RFT1: variants seen among roughly 807,000 people sequenced by gnomAD.
RFT1 encodes RFT1 glycolipid translocator homolog.
Under a neutral mutation model 62.2 loss-of-function variants are expected in RFT1, and 43 were observed. The ratio of observed to expected loss-of-function variants is 0.69; its 90% CI spans 0.54 to 0.89. The LOEUF (loss-of-function observed/expected upper bound fraction) is 0.89, where lower values mean the gene tolerates loss of function less well. RFT1 is among the 40% of genes least tolerant of loss of function. The pLI is 0.00. For synonymous variants in RFT1, 262 were observed against 264.6 expected, an observed-to-expected ratio of 0.99 and a Z score of 0.10; for missense variants, 605 against 649.9, an observed-to-expected ratio of 0.93 and a Z score of 0.75.
At chr3:53,087,729 C>T (rs1481419872), downstream of RFT1, among the ~76,000 whole-genome samples, 1 of 152,172 alleles carries the variant, frequency 6.6e-6, no homozygotes, top group Non-Finnish European at 1.5e-5. Context: ...CTGTGTTGCC[C>T]AGGTTGGTCT....
At chr3:53,126,277 T>C (rs1164796466) in intron 1 of RFT1, among the ~76,000 whole-genome samples, 1 of 152,206 alleles carries the variant, frequency 6.6e-6, no homozygotes, top group Admixed American at 6.5e-5. Context: ...ATAGACTCAC[T>C]GAGTTTCTAC....
rs1702227088 is a variant in RFT1, at chr3:53,130,314, T to C, written c.63+24A>G. 6 of 1,559,948 alleles carry C rather than the reference T, an allele frequency of 3.8e-6. 1 individual carries two copies. The highest frequency in any genetic ancestry group is 3.4e-4 in the Middle Eastern group (2 of 5,954). On this transcript the variant is annotated intron_variant, in intron 1 of 12. Transcript: ENST00000296292. ...CGCGAATCCCGGCTGCAGTACAAGC[T>C]GGAACCTGAAGGGCAGAGAGTACCT...
chr3:53,091,754 C>A lies in RFT1; in HGVS notation c.*149G>T, dbSNP rs1700993418. ...AGACTTCGAATGGTCACAGGTGTCT[C>A]ATGCAGTGGCACTCTCTGGTGCCTC... On this transcript the variant is annotated 3_prime_UTR_variant, in exon 13 of 13. Transcript: ENST00000296292. The A allele has an allele frequency of 1.2e-6, 1 of 811,534 alleles. No individual in the cohort carries two copies. The highest frequency in any genetic ancestry group is 2.1e-6 in the Non-Finnish European group (1 of 475,164). The allele number at this position is 811,534 out of a possible 1,614,324, so 50.3% of individuals were successfully genotyped here.
At position 53,089,215 on chromosome 3, in the gene RFT1, T is replaced by C. The variant is rs755321558; in HGVS notation, c.*2688A>G. On this transcript the variant is annotated 3_prime_UTR_variant, in exon 13 of 13. Transcript: ENST00000296292. ...GGAAGTGGCTGGGAACAGGGCAGAG[T>C]AGCGGTTCCAGAGCCAGAAGTTGCC... 3 of 151,908 alleles carry C rather than the reference T, an allele frequency of 2.0e-5. No homozygotes were observed. Among genetic ancestry groups the C allele is most frequent in the Non-Finnish European group, 2.9e-5 (2 of 68,030 alleles). 9.4% of individuals were successfully genotyped at this position (151,908 alleles called of 1,614,324 possible). A position where few individuals can be genotyped will look rare whatever the true frequency, so the allele number is the denominator to read the frequency against.
At chr3:53,072,844 A>C in the RFT1 span, among the ~76,000 whole-genome samples, 1 of 152,338 alleles carries the variant, frequency 6.6e-6, no homozygotes, top group East Asian at 1.9e-4. Context: ...CCTGCCCTCT[A>C]GTGGCTGCCG....
chr3:53,112,482 C>T (rs1027142997), intron 6 of RFT1, among the ~76,000 whole-genome samples: 3 of 152,194 alleles, frequency 2.0e-5, no homozygotes, highest in African/African-American at 7.2e-5. Context: ...TTGCTCACGC[C>T]TATAATCACA....
rs776377276 is a variant in RFT1, at chr3:53,126,009, GA to G, written c.64-16del. 1.6e-5 allele frequency: 25 copies of G among 1,586,462 alleles called. No homozygotes were observed. The Admixed American group carries it at 4.0e-4, about 26-fold the overall frequency. On this transcript the variant is annotated splice_polypyrimidine_tract_variant and intron_variant, in intron 1 of 12. Coordinates refer to ENST00000296292, the MANE Select transcript of RFT1 (RefSeq NM_052859.4). ...CGAAACAACACCTATAGAAAAAGAG[GA>G]AAAATACGTAAGAATAAATGACGTT... is the stretch of plus-strand genomic sequence containing the variant.
chr3:53,120,454 C>T (rs781696115), intron 5 of RFT1, among the ~76,000 whole-genome samples: 17 of 152,132 alleles, frequency 1.1e-4, no homozygotes, highest in Admixed American at 3.3e-4. Flanking sequence ...CTATAAACCC[C>T]GGAAACCTGT....
chr3:53,077,042 C>G, the RFT1 span, among the ~76,000 whole-genome samples: 1 of 151,510 alleles, frequency 6.6e-6, no homozygotes, highest in African/African-American at 2.4e-5. Flanking sequence ...TGCAGTATTG[C>G]TCAACCTTAA....
In RFT1 at chr3:53,130,376, G is replaced by T. The variant is rs778123737; in HGVS notation, c.25C>A (p.His9Asn). 2.6e-6 allele frequency: 4 copies of T among 1,562,586 alleles called. No homozygotes were observed. In the East Asian group the frequency reaches 7.2e-5, roughly 28 times the overall value. Residue 9 changes from histidine to asparagine, a missense_variant, in exon 1 of 13, where the codon CAC (histidine) becomes AAC (asparagine). Transcript: ENST00000296292. MGSQEVLG[H>N]AARLASSGLL... ...CCGGAGGAGGCCAGCCGGGCCGCGT[G>T]GCCCAGCACCTCCTGGCTGCCCATA...
At chr3:53,103,878 C>G (rs1158947925) in intron 10 of RFT1, 75 bp downstream of exon 10, 2 of 1,571,164 alleles carry the variant, frequency 1.3e-6, no homozygotes. Context: ...TGTGTGTGCA[C>G]AAGTTCTTGA....
chr3:53,122,468 G>A lies in RFT1; in HGVS notation c.362C>T (p.Thr121Ile). 1.9e-6 allele frequency: 3 copies of A among 1,614,028 alleles called. No homozygotes were observed. Among genetic ancestry groups the A allele is most frequent in the Non-Finnish European group, 2.5e-6 (3 of 1,180,018 alleles). ...CGAGAGACCAAACAGCACCACTCCA[G>A]TTGCATAGTGAGGGACAACATTAGG... ...PDPNVVPHYA[T>I]GVVLFGLSAV... The change falls in exon 4 of 13, where the codon ACT (threonine) becomes ATT (isoleucine). Residue 121 changes from threonine to isoleucine, a missense_variant. Coordinates refer to ENST00000296292, the MANE Select transcript of RFT1 (RefSeq NM_052859.4).
At chr3:53,093,268 A>T (rs75081682) in intron 11 of RFT1, among the ~76,000 whole-genome samples, 1 of 152,182 alleles carries the variant, frequency 6.6e-6, no homozygotes, top group African/African-American at 2.4e-5. Flanking sequence ...GCTATTTTCC[A>T]GACTCTTACA....
intron 4 of RFT1, among the ~76,000 whole-genome samples, chr3:53,122,085 C>T (rs1373273357): frequency 1.3e-5 from 2 of 152,048 alleles, no homozygotes; most frequent in Non-Finnish European, 2.9e-5. Flanking sequence ...TAAATATAAC[C>T]ACTAGAAAAA....
At chr3:53,075,988 G>T in the RFT1 span, among the ~76,000 whole-genome samples, 21 of 152,164 alleles carry the variant, frequency 1.4e-4, no homozygotes, top group African/African-American at 5.1e-4. Flanking sequence ...CTCTTTCTCC[G>T]ATCTGCCTGG....
chr3:53,092,604 A>G lies in RFT1; in HGVS notation c.1223T>C (p.Met408Thr). Residue 408 changes from methionine to threonine, a missense_variant, in exon 12 of 13, where the codon ATG becomes ACG. Coordinates refer to ENST00000296292, the MANE Select transcript of RFT1 (RefSeq NM_052859.4). ...CAGGAATGAGGAGGACAGGGCCAGCATCACAAAATTGTACCTGGGGAGGAG... is the reference window on the plus strand; with the variant it reads ...CAGGAATGAGGAGGACAGGGCCAGCGTCACAAAATTGTACCTGGGGAGGAG... Reference protein sequence around the residue: ...KEEVDRYNFVMLALSSSFLVL... With the variant: ...KEEVDRYNFVTLALSSSFLVL... The G allele has an allele frequency of 6.2e-7, 1 of 1,611,648 alleles. No homozygotes were observed. Among genetic ancestry groups the G allele is most frequent in the Non-Finnish European group, 8.5e-7 (1 of 1,179,162 alleles).
the RFT1 span, among the ~76,000 whole-genome samples, chr3:53,079,881 G>C: frequency 6.6e-6 from 1 of 152,230 alleles, no homozygotes; most frequent in Non-Finnish European, 1.5e-5. Flanking sequence ...TTCTGGATCA[G>C]CCTGTGATGA....
intron 11 of RFT1, among the ~76,000 whole-genome samples, chr3:53,096,065 C>T (rs892507592): frequency 6.6e-6 from 1 of 152,162 alleles, no homozygotes; most frequent in Non-Finnish European, 1.5e-5. Flanking sequence ...CCATAGGGGC[C>T]TGCCCAGCAA....
At chr3:53,073,611 C>T in the RFT1 span, among the ~76,000 whole-genome samples, 1 of 152,224 alleles carries the variant, frequency 6.6e-6, no homozygotes, top group Non-Finnish European at 1.5e-5. Context: ...TCATTCCCTT[C>T]GTTGTTAGAG....
Sources: gnomAD v4.1 joint callset for allele counts (sites outside exome capture counted in the v4.1 genomes callset) on GRCh38, gnomAD v4.1.1 for gene constraint, MANE v1.5 for transcripts, NCBI Gene and HGNC (gene_info 2026-07-23, HGNC 2026-07-21) for gene names.